The following PAK2 variants were observed in gnomAD, a reference collection of about 807,000 sequenced individuals.
PAK2 encodes p21 (RAC1) activated kinase 2, also known as serine/threonine-protein kinase PAK 2.
PAK2 carries 21 observed loss-of-function variants against 65.9 expected under a neutral mutation model. That is an observed-to-expected ratio of 0.32 (90% CI 0.23 to 0.46). The LOEUF (loss-of-function observed/expected upper bound fraction) is 0.46. Among genes scored for constraint, PAK2 ranks in the 20% least tolerant of loss-of-function variants. The pLI is 1.00. For missense variants in PAK2, 324 were observed against 642.6 expected (o/e 0.50, Z 5.36); for synonymous variants, 204 against 219.7 (o/e 0.93, Z 0.63).
chr3:196,773,571 G>A (rs1714442829), intron 1 of PAK2, among the ~76,000 whole-genome samples: 1 of 152,078 alleles, frequency 6.6e-6, no homozygotes, highest in East Asian at 1.9e-4. Flanking sequence ...GTCTAGTGCT[G>A]TTTGATTAAG....
intron 1 of PAK2, among the ~76,000 whole-genome samples, chr3:196,782,388 A>G (rs1714742879): frequency 2.0e-5 from 3 of 151,998 alleles, no homozygotes; most frequent in Admixed American, 2.0e-4. Flanking sequence ...TTTTGGTAGT[A>G]CCATGATGTT....
At chr3:196,746,624 C>G (rs1293492600) in intron 1 of PAK2, among the ~76,000 whole-genome samples, 2 of 151,938 alleles carry the variant, frequency 1.3e-5, no homozygotes, top group African/African-American at 2.4e-5. Context: ...CCAGCCTGAC[C>G]AACATGGAGA....
At chr3:196,757,905 A>G (rs1231647337) in intron 1 of PAK2, among the ~76,000 whole-genome samples, 1 of 152,136 alleles carries the variant, frequency 6.6e-6, no homozygotes, top group African/African-American at 2.4e-5. Context: ...GGTCAGTTTT[A>G]TTGGTTGTGA....
chr3:196,812,617 A>C (rs2108766112), intron 9 of PAK2, 122 bp from the exon 10 acceptor site: 1 of 604,664 alleles, frequency 1.7e-6, no homozygotes, highest in Non-Finnish European at 3.0e-6. Context: ...GCAAGGTGCC[A>C]CCTGGGAGTA....
chr3:196,740,461 C>CT (rs1713152599), intron 1 of PAK2, among the ~76,000 whole-genome samples: 1 of 152,174 alleles, frequency 6.6e-6, no homozygotes, highest in Non-Finnish European at 1.5e-5. Context: ...TCTGCCGACT[C>CT]TCGGTCTTCC....
chr3:196,762,623 T>C (rs1168731654), intron 1 of PAK2, among the ~76,000 whole-genome samples: 1 of 150,808 alleles, frequency 6.6e-6, no homozygotes, highest in Admixed American at 6.6e-5. Context: ...TGCAGTGAGC[T>C]GAGATGGCAG....
rs539794254 is a variant in PAK2, at chr3:196,791,810, G to A, written c.187+8977G>A. Among the ~76,000 whole-genome samples, 77 of 152,200 alleles carry A rather than the reference G, an allele frequency of 5.1e-4. No homozygotes were observed. The highest frequency in any genetic ancestry group is 3.4e-3 in the Middle Eastern group (1 of 294). On this transcript the variant is annotated intron_variant, in intron 2 of 14. Coordinates refer to ENST00000327134, the MANE Select transcript of PAK2 (RefSeq NM_002577.4). This position sits in a 1 kb window ranked among gnomAD's most constrained non-coding sequence, Gnocchi z 4.0. ...GTGGTGGCGGGCCCCTGTAGTCCCA[G>A]CTACTCGGGAGGCTGAGGCAGGAGA...
rs1713135562 is a variant in PAK2 at position 196,740,102 on chromosome 3, C to T, written c.-77C>T. 6.6e-6 allele frequency: 1 copy of T among 152,082 alleles called. No homozygotes were observed. The highest frequency in any genetic ancestry group is 2.4e-5 in the African/African-American group (1 of 41,426). The allele number at this position is 152,082 out of a possible 1,614,324, so 9.4% of individuals were successfully genotyped here. On this transcript the variant is annotated 5_prime_UTR_variant, in exon 1 of 15. Coordinates refer to ENST00000327134, the MANE Select transcript of PAK2 (RefSeq NM_002577.4). Reference sequence around the variant, plus strand: ...GCTAGCCCGGGGCGGCTCCGCAGCCCGCCGGGAGCTCTGACCGAGGCGCCT... The same window carrying T: ...GCTAGCCCGGGGCGGCTCCGCAGCCTGCCGGGAGCTCTGACCGAGGCGCCT...
At chr3:196,807,030 C>A (rs577077216) in intron 6 of PAK2, among the ~76,000 whole-genome samples, 27 of 152,134 alleles carry the variant, frequency 1.8e-4, no homozygotes, top group Non-Finnish European at 1.8e-4. Flanking sequence ...TTTCCTCTTA[C>A]CCAGATTATG....
At chr3:196,751,874 C>T (rs1188403881) in intron 1 of PAK2, among the ~76,000 whole-genome samples, 1 of 149,704 alleles carries the variant, frequency 6.7e-6, no homozygotes, top group Non-Finnish European at 1.5e-5. Flanking sequence ...TCCTGAGTAG[C>T]TGGGATTACA....
At chr3:196,826,235 A>G (rs538821426) in intron 13 of PAK2, among the ~76,000 whole-genome samples, 86 of 151,506 alleles carry the variant, frequency 5.7e-4, no homozygotes, top group African/African-American at 1.9e-3. Flanking sequence ...GCAGTGGCGC[A>G]ATCTCGGCTC....
chr3:196,778,214 G>A (rs745599598), intron 1 of PAK2, among the ~76,000 whole-genome samples: 2 of 152,138 alleles, frequency 1.3e-5, no homozygotes, highest in African/African-American at 2.4e-5. Flanking sequence ...CCATGTTGCA[G>A]CGTGTATCGG....
At chr3:196,810,502 A>C in intron 7 of PAK2, 88 bp from the exon 8 acceptor site, 6 of 759,120 alleles carry the variant, frequency 7.9e-6, no homozygotes, top group Non-Finnish European at 1.4e-5. Flanking sequence ...TTATAAAAAC[A>C]GTGGAGTTCA....
In PAK2 at chr3:196,769,126, A is replaced by G. The variant is rs189347151; in HGVS notation, c.-21-13500A>G. On this transcript the variant is annotated intron_variant, in intron 1 of 14. Coordinates refer to ENST00000327134, the MANE Select transcript of PAK2 (RefSeq NM_002577.4). ...TGGATCAGTTGAGCCCAGGAGTTCA[A>G]GACCAGCCTGGGCAACATAGGGAGG... is the stretch of plus-strand genomic sequence containing the variant. Among the ~76,000 whole-genome samples, 6 of 152,046 alleles carry G rather than the reference A, an allele frequency of 3.9e-5. No individual in the cohort carries two copies. In the East Asian group the frequency reaches 7.8e-4, roughly 20 times the overall value.
intron 1 of PAK2, among the ~76,000 whole-genome samples, chr3:196,767,562 C>T (rs1714212159): frequency 6.6e-6 from 1 of 152,082 alleles, no homozygotes; most frequent in South Asian, 2.1e-4. Flanking sequence ...GATCTTGGCT[C>T]ACTGCAACCT....
chr3:196,771,355 C>T (rs1019110864), intron 1 of PAK2, among the ~76,000 whole-genome samples: 7 of 152,006 alleles, frequency 4.6e-5, no homozygotes, highest in African/African-American at 1.7e-4. Context: ...ATTAATATCA[C>T]TACGATGTGT....
chr3:196,796,021 G>A (rs539660510), intron 2 of PAK2, among the ~76,000 whole-genome samples: 6 of 152,306 alleles, frequency 3.9e-5, no homozygotes, highest in South Asian at 4.1e-4. Context: ...GATCCCTCGC[G>A]TGTGCAGTCC....
intron 10 of PAK2, among the ~76,000 whole-genome samples, chr3:196,813,119 T>G (rs752227365): frequency 2.6e-4 from 40 of 152,176 alleles, no homozygotes; most frequent in Non-Finnish European, 5.1e-4. Context: ...AGCGAACACA[T>G]GAATGGTTGG....
At chr3:196,815,501 AAAAG>A (rs1000880850) in intron 11 of PAK2, among the ~76,000 whole-genome samples, 2 of 151,220 alleles carry the variant, frequency 1.3e-5, no homozygotes, top group African/African-American at 4.9e-5. Context: ...AAAAAAAAAA[AAAAG>A]AGGCTGGGTA....
Sources: gnomAD v4.1 joint callset for allele counts (sites outside exome capture counted in the v4.1 genomes callset) on GRCh38, gnomAD v4.1.1 for gene constraint, Gnocchi (gnomAD v3.1) non-coding constraint, MANE v1.5 for transcripts, NCBI Gene and HGNC (gene_info 2026-07-23, HGNC 2026-07-21) for gene names.